The following ZNF143 variants were observed in gnomAD, a reference collection of about 807,000 sequenced individuals.
The protein encoded by ZNF143 is SPH-binding factor.
ZNF143 carries 49 observed loss-of-function variants against 74.1 expected under a neutral mutation model. That is an observed-to-expected ratio of 0.66 (90% CI 0.53 to 0.84). The LOEUF (loss-of-function observed/expected upper bound fraction) is 0.84, where lower values mean the gene tolerates loss of function less well. ZNF143 is among the 40% of genes least tolerant of loss of function. The pLI, the probability that ZNF143 is intolerant of heterozygous loss-of-function variation, is 0.00. For missense variants in ZNF143, 637 were observed against 793.4 expected, an observed-to-expected ratio of 0.80 and a Z score of 2.37; for synonymous variants, 304 against 282.8, an observed-to-expected ratio of 1.07 and a Z score of -0.75.
chr11:9,523,504 C>T (rs534469320), intron 14 of ZNF143, among the ~76,000 whole-genome samples: 1,824 of 151,986 alleles, frequency 0.012, 40 homozygotes, highest in African/African-American at 0.041. Flanking sequence ...GAGGCTGAGG[C>T]GGGCGGATCA....
chr11:9,504,191 C>G (rs1029526520), intron 11 of ZNF143, among the ~76,000 whole-genome samples: 1 of 151,666 alleles, frequency 6.6e-6, no homozygotes, highest in Admixed American at 6.6e-5. Flanking sequence ...AAACTCCTGA[C>G]CTTGTGATCC....
At chr11:9,498,723 CTAAA>C (rs1158311211) in intron 10 of ZNF143, among the ~76,000 whole-genome samples, 1 of 152,138 alleles carries the variant, frequency 6.6e-6, no homozygotes, top group Non-Finnish European at 1.5e-5. Context: ...AAGCTGTTGA[CTAAA>C]TAATACAGCA....
chr11:9,472,877 A>C (rs1181467039), intron 3 of ZNF143, 108 bp downstream of exon 3: 1 of 509,700 alleles, frequency 2.0e-6, no homozygotes, highest in South Asian at 4.0e-5. Context: ...AAGATGCTGT[A>C]TTGCATATGA....
intron 7 of ZNF143, among the ~76,000 whole-genome samples, chr11:9,493,709 C>A (rs1331392820): frequency 6.6e-6 from 1 of 152,136 alleles, no homozygotes; most frequent in Non-Finnish European, 1.5e-5. Flanking sequence ...GTGTGACAGT[C>A]TGCAGAGATA....
rs540202450 is a variant in ZNF143, at chr11:9,504,825, C to A, written c.1147+3555C>A. Among the ~76,000 whole-genome samples, 11 of 117,652 alleles carry A rather than the reference C, an allele frequency of 9.3e-5. 2 individuals are homozygous for A. Among genetic ancestry groups the A allele is most frequent in the African/African-American group, 2.4e-4 (9 of 37,404 alleles). The allele number at this position is 117,652 out of a possible 152,430, so 77.2% of individuals were successfully genotyped here. A position where few individuals can be genotyped will look rare whatever the true frequency, so the allele number is the denominator to read the frequency against. On this transcript the variant is annotated intron_variant, in intron 11 of 15. Transcript: ENST00000396602. ...GAGTAGCTGGGACTACAGGCACCTG[C>A]CACCACGCCCAGCTAATTTTTATAC...
At chr11:9,473,479 C>T (rs1340243106) in intron 3 of ZNF143, among the ~76,000 whole-genome samples, 1 of 152,064 alleles carries the variant, frequency 6.6e-6, no homozygotes, top group African/African-American at 2.4e-5. Context: ...CAGCCAAGTC[C>T]TCAAAAACTC....
At chr11:9,491,884 C>G (rs1847794396) in intron 7 of ZNF143, among the ~76,000 whole-genome samples, 1 of 152,132 alleles carries the variant, frequency 6.6e-6, no homozygotes, top group Non-Finnish European at 1.5e-5. Context: ...CCTTCCTTGG[C>G]CTCCAAAAGT....
chr11:9,490,017 C>T (rs1847709429), intron 7 of ZNF143, among the ~76,000 whole-genome samples: 2 of 151,708 alleles, frequency 1.3e-5, no homozygotes, highest in African/African-American at 4.8e-5. Context: ...TCCATTTCTA[C>T]AATTTTTTTT....
intron 1 of ZNF143, among the ~76,000 whole-genome samples, chr11:9,467,176 G>A (rs1856284383): frequency 6.6e-6 from 1 of 151,664 alleles, no homozygotes; most frequent in South Asian, 2.1e-4. Flanking sequence ...ACAGGAGTGA[G>A]CCACTGCGCC....
intron 7 of ZNF143, among the ~76,000 whole-genome samples, chr11:9,492,894 C>T (rs909003011): frequency 6.6e-6 from 1 of 152,002 alleles, no homozygotes; most frequent in Admixed American, 6.6e-5. Flanking sequence ...CTATATATCA[C>T]AGGTTTGCTG....
At position 9,467,127 on chromosome 11, in the gene ZNF143, C is replaced by G. The variant is rs751849853; in HGVS notation, c.-7-4175C>G. 2.7e-5 allele frequency among the ~76,000 whole-genome samples: 4 copies of G among 150,740 alleles called. No homozygotes were observed. In the South Asian group the frequency reaches 6.3e-4, roughly 24 times the overall value. On this transcript the variant is annotated intron_variant, in intron 1 of 15. Transcript: ENST00000396602. ...CAGGATGCTCTCAATCTCCTGACCT[C>G]GTGATCCACCCGCCTTGGCCTCCCA... is the stretch of plus-strand genomic sequence containing the variant.
intron 7 of ZNF143, among the ~76,000 whole-genome samples, chr11:9,480,287 G>C (rs1476594587): frequency 6.6e-6 from 1 of 152,190 alleles, no homozygotes; most frequent in Non-Finnish European, 1.5e-5. Flanking sequence ...TGTTCGTGTG[G>C]AGGGTATGCT....
At chr11:9,499,534 T>G (rs1848081682) in intron 10 of ZNF143, among the ~76,000 whole-genome samples, 1 of 152,232 alleles carries the variant, frequency 6.6e-6, no homozygotes, top group African/African-American at 2.4e-5. Flanking sequence ...TAATTTCATT[T>G]GACCAAAAGA....
chr11:9,512,224 A>C (rs1190484169), intron 12 of ZNF143, among the ~76,000 whole-genome samples: 2 of 152,226 alleles, frequency 1.3e-5, no homozygotes, highest in African/African-American at 4.8e-5. Context: ...GAACACTTAA[A>C]TTTGATGCAG....
At chr11:9,486,090 C>G (rs762054764) in intron 7 of ZNF143, among the ~76,000 whole-genome samples, 1 of 150,296 alleles carries the variant, frequency 6.7e-6, no homozygotes, top group Non-Finnish European at 1.5e-5. Context: ...ATTACTAAGC[C>G]CCTCTGAGTC....
chr11:9,473,705 C>A, intron 3 of ZNF143: 1 of 1,337,998 alleles, frequency 7.5e-7, no homozygotes, highest in Non-Finnish European at 1.0e-6. Flanking sequence ...GCCACTCTTC[C>A]TCTTGACCTC....
intron 14 of ZNF143, among the ~76,000 whole-genome samples, chr11:9,518,343 G>T (rs75322050): frequency 7.2e-5 from 11 of 152,294 alleles, no homozygotes; most frequent in South Asian, 2.1e-4. Context: ...GGAGCAACTA[G>T]AATATTCATA....
chr11:9,512,058 C>T (rs1214063069), intron 12 of ZNF143, among the ~76,000 whole-genome samples: 1 of 152,094 alleles, frequency 6.6e-6, no homozygotes, highest in Non-Finnish European at 1.5e-5. Flanking sequence ...GCCTAACAGC[C>T]TCTTAAGTGA....
intron 12 of ZNF143, among the ~76,000 whole-genome samples, chr11:9,509,341 G>GT (rs914199635): frequency 3.9e-5 from 6 of 152,156 alleles, no homozygotes; most frequent in Admixed American, 2.0e-4. Context: ...GGTCTTAATC[G>GT]TAACACTAGA....
Sources: gnomAD v4.1 joint callset for allele counts (sites outside exome capture counted in the v4.1 genomes callset) on GRCh38, gnomAD v4.1.1 for gene constraint, MANE v1.5 for transcripts, NCBI Gene and HGNC (gene_info 2026-07-23, HGNC 2026-07-21) for gene names.